CYP2E1: variants seen among roughly 807,000 people sequenced by gnomAD.
CYP2E1 encodes the protein cytochrome P450 family 2 subfamily E member 1.
CYP2E1 carries 31 observed loss-of-function variants against 42.9 expected under a neutral mutation model. The ratio of observed to expected loss-of-function variants is 0.72; its 90% confidence interval spans 0.54 to 0.98. The LOEUF (loss-of-function observed/expected upper bound fraction) is 0.98. Among genes scored for constraint, CYP2E1 ranks in the 50% least tolerant of loss-of-function variants. The pLI, the probability that CYP2E1 is intolerant of heterozygous loss-of-function variation, is 0.00. For synonymous variants in CYP2E1, 244 were observed against 248.9 expected, an observed-to-expected ratio of 0.98 and a Z score of 0.19; for missense variants, 565 against 633.2, an observed-to-expected ratio of 0.89 and a Z score of 1.16.
Position 133,537,749 on chromosome 10 carries a change from A to C in CYP2E1, c.1156-2A>C. 6.2e-7 allele frequency: 1 copy of C among 1,611,396 alleles called. No homozygotes were observed. Among genetic ancestry groups the C allele is most frequent in the Non-Finnish European group, 8.5e-7 (1 of 1,178,858 alleles). On this transcript the variant is annotated splice_acceptor_variant, in intron 7 of 8. Transcript: ENST00000252945. LOFTEE classifies it high-confidence loss of function. ...CACTGAGACAGTCTTTGTTTCTCCT[A>C]GGGCACAGTCGTAGTGCCAACTCTG...
At chr10:133,537,358 G>GCCAGCCCTTCCAC in intron 7 of CYP2E1, 108 bp downstream of exon 7, 1 of 1,155,876 alleles carries the variant, frequency 8.7e-7, no homozygotes, top group Non-Finnish European at 1.2e-6. Context: ...TTTGGCAGGG[G>GCCAGCCCTTCCAC]TCACTGAGGG....
Position 133,533,830 on chromosome 10 carries a change from G to C in CYP2E1, c.900G>C (p.Gly300=), listed in dbSNP as rs34767794. ...CTGTGGCCGACCTGTTCTTTGCGGG[G>C]ACAGAGACCACCAGCACAACTCTGA... ...TVTVADLFFA[G]TETTSTTLRY... The change falls in exon 6 of 9, where the codon GGG becomes GGC. Residue 300 remains glycine, a synonymous_variant. Transcript: ENST00000252945. 6.2e-6 allele frequency: 10 copies of C among 1,614,174 alleles called. No homozygotes were observed. The East Asian group carries it at 2.2e-4, about 36-fold the overall frequency.
At chr10:133,532,902 G>A (rs1167209326) in intron 5 of CYP2E1, 34 bp downstream of exon 5, 6 of 1,557,146 alleles carry the variant, frequency 3.9e-6, no homozygotes, top group East Asian at 4.6e-5. Flanking sequence ...TGGGCTCTCC[G>A]GGGTGGGCAG....
Position 133,539,067 on chromosome 10 carries a change from G to T in CYP2E1, c.*103G>T. 2 of 789,882 alleles carry T rather than the reference G, an allele frequency of 2.5e-6. No homozygotes were observed. Among genetic ancestry groups the T allele is most frequent in the South Asian group, 2.9e-5 (1 of 33,950 alleles). 48.9% of individuals were successfully genotyped at this position (789,882 alleles called of 1,614,324 possible). On this transcript the variant is annotated 3_prime_UTR_variant, in exon 9 of 9. Transcript: ENST00000252945. ...TTCCTTTCTTTGCATATGAGTATTT[G>T]AAAATAAATATTTTCCCAGAATATA...
At chr10:133,533,706 G>A (rs1851365175) in intron 5 of CYP2E1, 50 bp from the exon 6 acceptor site, 1 of 1,603,386 alleles carries the variant, frequency 6.2e-7, no homozygotes, top group Non-Finnish European at 8.5e-7. Context: ...GTTCTGTGCT[G>A]AAAGGAGACA....
At chr10:133,527,843 G>A (rs1469038514) in intron 1 of CYP2E1, among the ~76,000 whole-genome samples, 1 of 152,232 alleles carries the variant, frequency 6.6e-6, no homozygotes, top group Non-Finnish European at 1.5e-5. Flanking sequence ...CTGCTGCGAC[G>A]CCAGGATAAC....
At chr10:133,535,160 C>A (rs1218209471) in intron 6 of CYP2E1, among the ~76,000 whole-genome samples, 1 of 152,016 alleles carries the variant, frequency 6.6e-6, no homozygotes, top group African/African-American at 2.4e-5. Flanking sequence ...ATGATGAAAC[C>A]CTGTCTCTCC....
At position 133,532,817 on chromosome 10, in the gene CYP2E1, C is replaced by T. The variant is rs775370009; in HGVS notation, c.774C>T (p.Asp258=). The change falls in exon 5 of 9, where the codon GAC becomes GAT. Residue 258 remains aspartate (D), a synonymous_variant. Coordinates refer to ENST00000252945, the MANE Select transcript of CYP2E1 (RefSeq NM_000773.4). The stretch of plus-strand genomic sequence containing the variant: ...TGAAGGAGCACCATCAATCTCTGGA[C>T]CCCAACTGTCCCCGGGACCTCACCG... ...ERVKEHHQSL[D]PNCPRDLTDC... 2 of 1,612,982 alleles carry T rather than the reference C, an allele frequency of 1.2e-6. No homozygotes were observed. Among genetic ancestry groups the T allele is most frequent in the South Asian group, 1.1e-5 (1 of 90,900 alleles).
Position 133,532,874 on chromosome 10 carries a change from C to T in CYP2E1, c.825+6C>T, listed in dbSNP as rs1215097123. The T allele has an allele frequency of 6.3e-7, 1 of 1,596,574 alleles. No homozygotes were observed. The highest frequency in any genetic ancestry group is 2.2e-5 in the East Asian group (1 of 44,644). ...TGCTCGTGGAAATGGAGAAGGTAGG[C>T]TCGGCCCTCCCATGATGTGGGCTCT... On this transcript the variant is annotated splice_donor_region_variant and intron_variant, in intron 5 of 8. Transcript: ENST00000252945.
chr10:133,528,219 T>A (rs529336531), intron 1 of CYP2E1: 1 of 379,688 alleles, frequency 2.6e-6, no homozygotes, highest in Non-Finnish European at 4.8e-6. Flanking sequence ...GGAGCCGGAG[T>A]CCGCGGAGTT....
chr10:133,533,868 T>A lies in CYP2E1; in HGVS notation c.938T>A (p.Leu313Gln), dbSNP rs973002990. The stretch of plus-strand genomic sequence containing the variant: ...AGCACAACTCTGAGATATGGGCTCC[T>A]GATTCTCATGAAATACCCTGAGATC... ...TTSTTLRYGL[L>Q]ILMKYPEIEE... The change falls in exon 6 of 9, where the codon CTG (leucine) becomes CAG (glutamine). Residue 313 changes from leucine (L) to glutamine (Q), a missense_variant. Coordinates refer to ENST00000252945, the MANE Select transcript of CYP2E1 (RefSeq NM_000773.4). 1.2e-6 allele frequency: 2 copies of A among 1,614,176 alleles called. No homozygotes were observed. Among genetic ancestry groups the A allele is most frequent in the Admixed American group, 3.3e-5 (2 of 60,028 alleles).
chr10:133,532,021 G>A, intron 3 of CYP2E1, 103 bp from the exon 4 acceptor site: 3 of 1,117,286 alleles, frequency 2.7e-6, no homozygotes, highest in Non-Finnish European at 3.9e-6. Flanking sequence ...GCAGTTTTCA[G>A]GGCACCTTCT....
Position 133,532,827 on chromosome 10 carries a change from C to A in CYP2E1, c.784C>A (p.Pro262Thr). The A allele has an allele frequency of 6.2e-7, 1 of 1,611,270 alleles. No individual in the cohort carries two copies. Among genetic ancestry groups the A allele is most frequent in the Non-Finnish European group, 8.5e-7 (1 of 1,179,224 alleles). Residue 262 changes from proline (P) to threonine (T), a missense_variant, in exon 5 of 9, where the codon CCC becomes ACC. Physicochemically the swap from Pro to Thr is conservative, Grantham distance 38. Coordinates refer to ENST00000252945, the MANE Select transcript of CYP2E1 (RefSeq NM_000773.4). Reference sequence around the variant, plus strand: ...CCATCAATCTCTGGACCCCAACTGTCCCCGGGACCTCACCGACTGCCTGCT... The same window carrying A: ...CCATCAATCTCTGGACCCCAACTGTACCCGGGACCTCACCGACTGCCTGCT... Reference protein sequence around the residue: ...EHHQSLDPNCPRDLTDCLLVE... With the variant: ...EHHQSLDPNCTRDLTDCLLVE...
chr10:133,534,607 A>G (rs1215397120), intron 6 of CYP2E1, among the ~76,000 whole-genome samples: 5 of 152,222 alleles, frequency 3.3e-5, no homozygotes, highest in African/African-American at 4.8e-5. Flanking sequence ...CGGGGGGCCC[A>G]GAGCCCCTGC....
At chr10:133,527,649 A>T in intron 1 of CYP2E1, 77 bp downstream of exon 1, 2 of 1,239,430 alleles carry the variant, frequency 1.6e-6, no homozygotes, top group Non-Finnish European at 2.3e-6. Context: ...ACTCATTTGC[A>T]GACAAATTGT....
At chr10:133,533,677 T>G in intron 5 of CYP2E1, 79 bp from the exon 6 acceptor site, 9 of 1,511,882 alleles carry the variant, frequency 6.0e-6, no homozygotes, top group South Asian at 2.4e-5. Context: ...TGTGTCCCTG[T>G]GGAGCTGGGA....
chr10:133,536,624 GAT>G (rs1196381032), intron 6 of CYP2E1, among the ~76,000 whole-genome samples: 9 of 95,982 alleles, frequency 9.4e-5, no homozygotes, highest in African/African-American at 1.3e-4. Flanking sequence ...TGGGTGGGTG[GAT>G]GGATGGGTGG....
Position 133,532,285 on chromosome 10 carries a change from G to A in CYP2E1, c.648+1G>A. ...CCTACTCAGCACTCCCTGGCTCCAGGTGAAGCCACTTTCCTCTTTCATCAG... is the reference window on the plus strand; with the variant it reads ...CCTACTCAGCACTCCCTGGCTCCAGATGAAGCCACTTTCCTCTTTCATCAG... On this transcript the variant is annotated splice_donor_variant, in intron 4 of 8. Coordinates refer to ENST00000252945, the MANE Select transcript of CYP2E1 (RefSeq NM_000773.4). LOFTEE classifies it high-confidence loss of function. The A allele has an allele frequency of 6.2e-7, 1 of 1,610,142 alleles. No individual in the cohort carries two copies. The highest frequency in any genetic ancestry group is 8.5e-7 in the Non-Finnish European group (1 of 1,176,786).
intron 7 of CYP2E1, chr10:133,537,529 A>T (rs905226872): frequency 1.7e-6 from 1 of 596,060 alleles, no homozygotes; most frequent in Non-Finnish European, 2.9e-6. Flanking sequence ...TATCACAACC[A>T]GCCCTGGGGT....
Sources: gnomAD v4.1 joint callset for allele counts (sites outside exome capture counted in the v4.1 genomes callset) on GRCh38, gnomAD v4.1.1 for gene constraint, MANE v1.5 for transcripts, NCBI Gene and HGNC (gene_info 2026-07-23, HGNC 2026-07-21) for gene names.